The following HSPA5 variants were observed in gnomAD, a reference collection of about 807,000 sequenced individuals.
HSPA5 encodes endoplasmic reticulum chaperone BiP.
Under a neutral mutation model 49.5 loss-of-function variants are expected in HSPA5, and 16 were observed. The observed-to-expected ratio is 0.32, with a 90% CI of 0.22 to 0.49. The LOEUF (loss-of-function observed/expected upper bound fraction) is 0.49. Ranked by LOEUF, HSPA5 falls within the 20% of genes least tolerant of loss-of-function variation. HSPA5 has a pLI of 0.99. For missense variants in HSPA5, 376 were observed against 819.0 expected, an observed-to-expected ratio of 0.46 and a Z score of 6.60; for synonymous variants, 271 against 307.2, an observed-to-expected ratio of 0.88 and a Z score of 1.23.
At chr9:125,238,851 T>C (rs760021194) in intron 5 of HSPA5, 24 bp from the exon 6 acceptor site, 26 of 1,606,832 alleles carry the variant, frequency 1.6e-5, no homozygotes, top group Middle Eastern at 1.6e-4. Flanking sequence ...ATGGTTACTG[T>C]GATGTCTGTT....
chr9:125,241,256 G>A lies in HSPA5; in HGVS notation c.-130C>T, dbSNP rs1832562284. 9.2e-7 allele frequency: 1 copy of A among 1,083,934 alleles called. No homozygotes were observed. Among genetic ancestry groups the A allele is most frequent in the Non-Finnish European group, 1.3e-6 (1 of 757,122 alleles). 67.1% of individuals were successfully genotyped at this position (1,083,934 alleles called of 1,614,324 possible). A position where few individuals can be genotyped will look rare whatever the true frequency, so the allele number is the denominator to read the frequency against. ...GCGCCACGAACCAGGCGAAGGGCAG[G>A]TCTAGAAATACAGGCCGCGGCGCTT... On this transcript the variant is annotated 5_prime_UTR_variant, in exon 1 of 8. Transcript: ENST00000324460.
At chr9:125,237,457 A>G (rs1476629864) in intron 7 of HSPA5, among the ~76,000 whole-genome samples, 4 of 152,024 alleles carry the variant, frequency 2.6e-5, no homozygotes, top group African/African-American at 4.8e-5. Flanking sequence ...TCACACCTGT[A>G]ATAATCCCAG....
At chr9:125,238,110 A>G (rs1429159991) in intron 7 of HSPA5, 31 bp downstream of exon 7, 3 of 1,575,968 alleles carry the variant, frequency 1.9e-6, no homozygotes, top group Non-Finnish European at 2.6e-6. Flanking sequence ...TCAAAAAAAA[A>G]GCCATGATAT....
intron 6 of HSPA5, 93 bp from the exon 7 acceptor site, chr9:125,238,401 C>A: frequency 1.7e-6 from 2 of 1,200,470 alleles, no homozygotes; most frequent in East Asian, 2.3e-5. Context: ...TTCTAACACA[C>A]ACATTTTAAA....
chr9:125,241,153 G>A lies in HSPA5; in HGVS notation c.-27C>T. On this transcript the variant is annotated 5_prime_UTR_variant, in exon 1 of 8. Coordinates refer to ENST00000324460, the MANE Select transcript of HSPA5 (RefSeq NM_005347.5). The stretch of plus-strand genomic sequence containing the variant: ...TTGCCAGCCAGTTGGGCAGCAGCAG[G>A]CAGTCCAGCCACAGGCCGTAGCACA... 1 of 1,604,772 alleles carries A rather than the reference G, an allele frequency of 6.2e-7. No homozygotes were observed. The highest frequency in any genetic ancestry group is 8.5e-7 in the Non-Finnish European group (1 of 1,176,590).
chr9:125,240,091 T>C lies in HSPA5; in HGVS notation c.492+81A>G, dbSNP rs1832545079. The C allele has an allele frequency of 1.7e-6, 2 of 1,154,514 alleles. No individual in the cohort carries two copies. The highest frequency in any genetic ancestry group is 3.1e-5 in the African/African-American group (2 of 64,936). 71.5% of individuals were successfully genotyped at this position (1,154,514 alleles called of 1,614,324 possible). A position where few individuals can be genotyped will look rare whatever the true frequency, so the allele number is the denominator to read the frequency against. On this transcript the variant is annotated intron_variant, in intron 3 of 7. Transcript: ENST00000324460. The surrounding 1 kb of genome is among the most constrained non-coding windows in gnomAD (Gnocchi z 4.4). ...TTCTGATTAAAATTTTTGAAACCCT[T>C]CACGAAGGCTTCTATACATAACAGC...
rs549555794 is a variant in HSPA5, at chr9:125,236,527, A to T, written c.*65T>A. The stretch of plus-strand genomic sequence containing the variant: ...TACATTCGAGACTTAAGTTCTTTCA[A>T]TTTTTTCCTAACAAAAGTTCCTGAG... On this transcript the variant is annotated 3_prime_UTR_variant, in exon 8 of 8. Coordinates refer to ENST00000324460, the MANE Select transcript of HSPA5 (RefSeq NM_005347.5). The T allele has an allele frequency of 1.3e-5, 16 of 1,202,900 alleles. No individual in the cohort carries two copies. In the Admixed American group the frequency reaches 3.9e-4, roughly 29 times the overall value. The allele number at this position is 1,202,900 out of a possible 1,614,324, so 74.5% of individuals were successfully genotyped here.
chr9:125,240,608 G>A lies in HSPA5; in HGVS notation c.354+68C>T, dbSNP rs988847565. 1.0e-5 allele frequency: 13 copies of A among 1,305,292 alleles called. No individual in the cohort carries two copies. The Admixed American group carries it at 2.2e-4, about 22-fold the overall frequency. The allele number at this position is 1,305,292 out of a possible 1,614,324, so 80.9% of individuals were successfully genotyped here. On this transcript the variant is annotated intron_variant, in intron 2 of 7. Transcript: ENST00000324460. This position sits in a 1 kb window ranked among gnomAD's most constrained non-coding sequence, Gnocchi z 4.4. Reference sequence around the variant, plus strand: ...ACTGTTGTCTCAACACTTTTCCAGAGACTTATAACTCTAAATACTCCCACC... The same window carrying A: ...ACTGTTGTCTCAACACTTTTCCAGAAACTTATAACTCTAAATACTCCCACC...
At position 125,236,674 on chromosome 9, in the gene HSPA5, T is replaced by C; in HGVS notation, c.1883A>G (p.Gln628Arg). ...AKKKELEEIV[Q>R]PIISKLYGSA... is the part of the protein sequence containing the mutation. ...TCCATAGAGTTTGCTGATAATTGGTTGAACAATTTCTTCCAGTTCCTTCTT... is the reference window on the plus strand; with the variant it reads ...TCCATAGAGTTTGCTGATAATTGGTCGAACAATTTCTTCCAGTTCCTTCTT... Residue 628 changes from glutamine (Q) to arginine (R), a missense_variant, in exon 8 of 8, where the codon CAA (glutamine) becomes CGA (arginine). Gln to Arg is a conservative substitution (Grantham distance 43). Around this residue, in one of 8 missense-constraint regions of HSPA5, gnomAD observed 72 missense variants for 87.8 expected, o/e 0.82. Transcript: ENST00000324460. 1 of 1,613,800 alleles carries C rather than the reference T, an allele frequency of 6.2e-7. No individual in the cohort carries two copies. Among genetic ancestry groups the C allele is most frequent in the South Asian group, 1.1e-5 (1 of 91,030 alleles).
rs1353596477 is a variant in HSPA5 at position 125,236,246 on chromosome 9, G to A, written c.*346C>T. On this transcript the variant is annotated 3_prime_UTR_variant, in exon 8 of 8. Coordinates refer to ENST00000324460, the MANE Select transcript of HSPA5 (RefSeq NM_005347.5). ...AGCTTCTCACAAACATTAGACCAGT[G>A]TAAATAACAAACATTTATTGGTGTC... 4.4e-6 allele frequency: 1 copy of A among 226,598 alleles called. No individual in the cohort carries two copies. Among genetic ancestry groups the A allele is most frequent in the African/African-American group, 2.3e-5 (1 of 43,742 alleles). 14.0% of individuals were successfully genotyped at this position (226,598 alleles called of 1,614,324 possible).
rs758699653 is a variant in HSPA5, at chr9:125,240,702, G to C, written c.328C>G (p.Gln110Glu). The C allele has an allele frequency of 1.2e-6, 2 of 1,613,978 alleles. No individual in the cohort carries two copies. The highest frequency in any genetic ancestry group is 2.7e-5 in the African/African-American group (2 of 74,926). The change falls in exon 2 of 8, where the codon CAG becomes GAG. Residue 110 changes from glutamine to glutamate, a missense_variant. Transcript: ENST00000324460. The surrounding 1 kb of genome is among the most constrained non-coding windows in gnomAD (Gnocchi z 4.4). Reference sequence around the variant, plus strand: ...TTGAACGGCAAGAACTTGATGTCCTGCTGCACAGACGGGTCATTCCACGTG... The same window carrying C: ...TTGAACGGCAAGAACTTGATGTCCTCCTGCACAGACGGGTCATTCCACGTG... The part of the protein sequence containing the change: ...GRTWNDPSVQ[Q>E]DIKFLPFKVV...
Position 125,240,954 on chromosome 9 carries a change from G to T in HSPA5, c.123-47C>A, listed in dbSNP as rs188040986. 447 of 1,611,640 alleles carry T rather than the reference G, an allele frequency of 2.8e-4. 1 individual carries two copies. The African/African-American group carries it at 5.5e-3, about 20-fold the overall frequency. ...GGGACATCAGCACCGCACTTCTCAC[G>T]CCAGGCCAGGCGGCCACGCCCCGTC... is the stretch of plus-strand genomic sequence containing the variant. On this transcript the variant is annotated intron_variant, in intron 1 of 7. Transcript: ENST00000324460. This position sits in a 1 kb window ranked among gnomAD's most constrained non-coding sequence, Gnocchi z 4.4.
Position 125,238,786 on chromosome 9 carries a change from C to T in HSPA5, c.1038G>A (p.Leu346=), listed in dbSNP as rs373962277. 156 of 1,614,018 alleles carry T rather than the reference C, an allele frequency of 9.7e-5. No individual in the cohort carries two copies. Among genetic ancestry groups the T allele is most frequent in the Non-Finnish European group, 1.2e-4 (146 of 1,180,022 alleles). ...RSTMKPVQKV[L]EDSDLKKSDI... is the part of the protein sequence containing the mutation. The stretch of plus-strand genomic sequence containing the variant: ...CAGACTTCTTCAAATCAGAATCTTC[C>T]AACACTTTCTGGACGGGCTTCATAG... The change falls in exon 6 of 8, where the codon TTG becomes TTA. Residue 346 remains leucine, a synonymous_variant. Transcript: ENST00000324460.
Position 125,240,651 on chromosome 9 carries a change from C to T in HSPA5, c.354+25G>A. The T allele has an allele frequency of 6.3e-7, 1 of 1,593,728 alleles. No individual in the cohort carries two copies. Among genetic ancestry groups the T allele is most frequent in the South Asian group, 1.1e-5 (1 of 90,744 alleles). ...CTCCCACCACCCACCCGTTCTCTAA[C>T]TGGATGAGAAAAACCCGGTCGAACC... is the stretch of plus-strand genomic sequence containing the variant. On this transcript the variant is annotated intron_variant, in intron 2 of 7. Coordinates refer to ENST00000324460, the MANE Select transcript of HSPA5 (RefSeq NM_005347.5). This position sits in a 1 kb window ranked among gnomAD's most constrained non-coding sequence, Gnocchi z 4.4.
chr9:125,237,736 C>G (rs1293927181), intron 7 of HSPA5, among the ~76,000 whole-genome samples: 1 of 151,714 alleles, frequency 6.6e-6, no homozygotes, highest in Non-Finnish European at 1.5e-5. Flanking sequence ...AGACCTCCAT[C>G]TGAAAACAGC....
In HSPA5 at chr9:125,240,336, A is replaced by G. The variant is rs1279677971; in HGVS notation, c.355-27T>C. ...TATTTTAAAGAATTATTGTTTTCAG[A>G]CACAGATACAATGACATCTCAAAGT... On this transcript the variant is annotated intron_variant, in intron 2 of 7. Transcript: ENST00000324460. The surrounding 1 kb of genome is among the most constrained non-coding windows in gnomAD (Gnocchi z 4.4). 1 of 1,581,414 alleles carries G rather than the reference A, an allele frequency of 6.3e-7. No homozygotes were observed. The highest frequency in any genetic ancestry group is 1.8e-5 in the Admixed American group (1 of 54,874).
At position 125,239,726 on chromosome 9, in the gene HSPA5, A is replaced by G. The variant is rs1038331221; in HGVS notation, c.493-193T>C. ...AAACCCTGTCTCTACTGAAAATTAA[A>G]AAAAAAAAAAAAAATTAGCCAGGTG... is the stretch of plus-strand genomic sequence containing the variant. On this transcript the variant is annotated intron_variant, in intron 3 of 7. Transcript: ENST00000324460. This position sits in a 1 kb window ranked among gnomAD's most constrained non-coding sequence, Gnocchi z 5.5. 1.3e-5 allele frequency among the ~76,000 whole-genome samples: 2 copies of G among 150,904 alleles called. No individual in the cohort carries two copies. The highest frequency in any genetic ancestry group is 3.4e-3 in the Middle Eastern group (1 of 290).
rs1158735099 is a variant in HSPA5 at position 125,240,335 on chromosome 9, GAC to G, written c.355-28_355-27del. ...CTATTTTAAAGAATTATTGTTTTCA[GAC>G]ACAGATACAATGACATCTCAAAGTT... is the stretch of plus-strand genomic sequence containing the variant. On this transcript the variant is annotated intron_variant, in intron 2 of 7. Transcript: ENST00000324460. The surrounding 1 kb of genome is among the most constrained non-coding windows in gnomAD (Gnocchi z 4.4). 9.5e-6 allele frequency: 15 copies of G among 1,582,960 alleles called. No individual in the cohort carries two copies. Among genetic ancestry groups the G allele is most frequent in the African/African-American group, 1.4e-5 (1 of 73,258 alleles).
rs761610922 is a variant in HSPA5, at chr9:125,236,901, G to A, written c.1656C>T (p.Asp552=). The change falls in exon 8 of 8, where the codon GAC becomes GAT. Residue 552 remains aspartate (D), a synonymous_variant. Transcript: ENST00000324460. ...VNDAEKFAEE[D]KKLKERIDTR... is the part of the protein sequence containing the mutation. ...TATCAATGCGCTCCTTGAGCTTTTT[G>A]TCTTCCTCAGCAAACTTCTCAGCAT... The A allele has an allele frequency of 1.2e-6, 2 of 1,613,882 alleles. No homozygotes were observed. The highest frequency in any genetic ancestry group is 4.5e-5 in the East Asian group (2 of 44,884).
Sources: gnomAD v4.1 joint callset for allele counts (sites outside exome capture counted in the v4.1 genomes callset) on GRCh38, gnomAD v4.1.1 for gene constraint, gnomAD v4.1.1 regional missense constraint, Gnocchi (gnomAD v3.1) non-coding constraint, MANE v1.5 for transcripts, NCBI Gene and HGNC (gene_info 2026-07-23, HGNC 2026-07-21) for gene names.